The following SCN10A variants were observed in gnomAD, a reference collection of about 807,000 sequenced individuals.
SCN10A encodes the protein sodium voltage-gated channel alpha subunit 10, also known as sodium channel protein type 10 subunit alpha.
Under a neutral mutation model 170.7 loss-of-function variants are expected in SCN10A, and 162 were observed. That is an observed-to-expected ratio of 0.95 (90% CI 0.84 to 1.08). The LOEUF (loss-of-function observed/expected upper bound fraction) is 1.08, where lower values mean the gene tolerates loss of function less well. Ranked by LOEUF, SCN10A falls within the 50% of genes least tolerant of loss-of-function variation. The pLI is 0.00. For synonymous variants in SCN10A, 985 were observed against 904.6 expected, an observed-to-expected ratio of 1.09 and a Z score of -1.59; for missense variants, 2,527 against 2,436.9, an observed-to-expected ratio of 1.04 and a Z score of -0.78.
chr3:38,768,433 G>A (rs1345383919), intron 5 of SCN10A, among the ~76,000 whole-genome samples: 3 of 151,974 alleles, frequency 2.0e-5, no homozygotes, highest in Non-Finnish European at 4.4e-5. Flanking sequence ...GTGCTGGCTT[G>A]GTAGTGGAAA....
chr3:38,732,712 G>A (rs1197504228), intron 15 of SCN10A, among the ~76,000 whole-genome samples: 2 of 152,166 alleles, frequency 1.3e-5, no homozygotes, highest in Non-Finnish European at 2.9e-5. Flanking sequence ...GGCAGAGCAC[G>A]AGCCTCATGA....
chr3:38,779,309 TG>T, intron 4 of SCN10A, among the ~76,000 whole-genome samples: 1 of 152,192 alleles, frequency 6.6e-6, no homozygotes, highest in Admixed American at 6.5e-5. Flanking sequence ...GGGATTTTTT[TG>T]GGGATGTCAT....
At chr3:38,718,039 G>A (rs778995848) in intron 21 of SCN10A, among the ~76,000 whole-genome samples, 3 of 152,130 alleles carry the variant, frequency 2.0e-5, no homozygotes, top group Non-Finnish European at 2.9e-5. Context: ...CTCCAAATGC[G>A]CCCTCTGTTC....
rs747114420 is a variant in SCN10A at position 38,739,634 on chromosome 3, G to T, written c.2161C>A (p.Pro721Thr). 28 of 1,613,870 alleles carry T rather than the reference G, an allele frequency of 1.7e-5. No individual in the cohort carries two copies. The South Asian group carries it at 3.0e-4, about 17-fold the overall frequency. ...EMVFKIIAFD[P>T]YYYFQKKWNI... ...CACTTCTTCTGGAAATAATAGTATGGGTCGAAGGCAATGATTTTGAAGACC... is the reference window on the plus strand; with the variant it reads ...CACTTCTTCTGGAAATAATAGTATGTGTCGAAGGCAATGATTTTGAAGACC... The change falls in exon 15 of 28, where the codon CCA (proline) becomes ACA (threonine). Residue 721 changes from proline (P) to threonine (T), a missense_variant. Coordinates refer to ENST00000449082, the MANE Select transcript of SCN10A (RefSeq NM_006514.4).
chr3:38,772,736 C>T (rs6767287), intron 4 of SCN10A, among the ~76,000 whole-genome samples: 5 of 89,392 alleles, frequency 5.6e-5, no homozygotes, highest in African/African-American at 2.0e-4. Context: ...AAAACAAAAA[C>T]AAAAAAAAAA....
intron 2 of SCN10A, among the ~76,000 whole-genome samples, chr3:38,793,340 T>C (rs183580604): frequency 2.6e-4 from 39 of 152,248 alleles, no homozygotes; most frequent in Admixed American, 2.3e-3. Flanking sequence ...AAGATCATAG[T>C]TGAGGACCAC....
chr3:38,772,221 G>A (rs908668545), intron 4 of SCN10A, among the ~76,000 whole-genome samples: 3 of 151,584 alleles, frequency 2.0e-5, no homozygotes, highest in East Asian at 1.9e-4. Context: ...CTGGTTTAGA[G>A]CCCATGAAGA....
Position 38,698,149 on chromosome 3 carries a change from C to G in SCN10A, c.5071G>C (p.Asp1691His), listed in dbSNP as rs774106005. ...NLPNSNGTRGDCGSPAVGIIF... is the reference protein window; with the variant it reads ...NLPNSNGTRGHCGSPAVGIIF... The stretch of plus-strand genomic sequence containing the variant: ...ATGCCTACGGCTGGGCTCCCACAGT[C>G]CCCTCTGGTGCCATTGCTGTTGGGC... Residue 1691 changes from aspartate (D) to histidine (H), a missense_variant, in exon 28 of 28, where the codon GAC becomes CAC. Transcript: ENST00000449082. 6.2e-7 allele frequency: 1 copy of G among 1,614,136 alleles called. No individual in the cohort carries two copies. Among genetic ancestry groups the G allele is most frequent in the African/African-American group, 1.3e-5 (1 of 75,016 alleles).
At position 38,756,738 on chromosome 3, in the gene SCN10A, T is replaced by C; in HGVS notation, c.1226A>G (p.Asp409Gly). 1 of 1,614,186 alleles carries C rather than the reference T, an allele frequency of 6.2e-7. No homozygotes were observed. Residue 409 changes from aspartate (D) to glycine (G), a missense_variant, in exon 10 of 28, where the codon GAT becomes GGT. Transcript: ENST00000449082. ...CTTCTTCTCCTTTGCTTCAATTTCA[T>C]CAGTGGTTGCCTGGTTCTGCTCCTC... The part of the protein sequence containing the change: ...AYEEQNQATT[D>G]EIEAKEKKFQ...
At chr3:38,769,494 G>A (rs772342034) in intron 5 of SCN10A, among the ~76,000 whole-genome samples, 7 of 152,034 alleles carry the variant, frequency 4.6e-5, no homozygotes, top group South Asian at 2.1e-4. Context: ...GCCCACCTTG[G>A]CCTCCCAAAG....
chr3:38,721,647 A>G (rs1056069830), intron 20 of SCN10A, among the ~76,000 whole-genome samples: 3 of 152,242 alleles, frequency 2.0e-5, no homozygotes, highest in African/African-American at 4.8e-5. Context: ...CAGTGCAAGC[A>G]TCACCTGGGA....
At position 38,767,573 on chromosome 3, in the gene SCN10A, C is replaced by T. The variant is rs555921135; in HGVS notation, c.599+3706G>A. ...TGAGGGTTTCTTTTGGAGTTAACTC[C>T]GAGGTTTATTCGACTGTGCTCTGAG... On this transcript the variant is annotated intron_variant, in intron 5 of 27. Coordinates refer to ENST00000449082, the MANE Select transcript of SCN10A (RefSeq NM_006514.4). Among the ~76,000 whole-genome samples, 302 of 151,942 alleles carry T rather than the reference C, an allele frequency of 2.0e-3. 2 individuals carry two copies. The highest frequency in any genetic ancestry group is 6.8e-3 in the African/African-American group (281 of 41,478).
At chr3:38,806,452 C>T (rs1026616933) in intron 1 of SCN10A, among the ~76,000 whole-genome samples, 2 of 152,022 alleles carry the variant, frequency 1.3e-5, no homozygotes, top group African/African-American at 4.8e-5. Flanking sequence ...CTACAGAAAC[C>T]TTGAGTTATA....
In SCN10A at chr3:38,702,099, T is replaced by G; in HGVS notation, c.4397A>C (p.Gln1466Pro). Reference protein sequence around the residue: ...KPIPRPLNKFQGFVFDIVTRQ... With the variant: ...KPIPRPLNKFPGFVFDIVTRQ... Reference sequence around the variant, plus strand: ...GGTCACGATGTCAAAGACAAAACCCTGGAACTTGTTCTGAGAAAACAAGAG... The same window carrying G: ...GGTCACGATGTCAAAGACAAAACCCGGGAACTTGTTCTGAGAAAACAAGAG... Residue 1466 changes from glutamine to proline, a missense_variant, in exon 27 of 28, where the codon CAG (glutamine) becomes CCG (proline). Gln to Pro is a moderately conservative substitution (Grantham distance 76, BLOSUM62 -1). Transcript: ENST00000449082. 6.4e-7 allele frequency: 1 copy of G among 1,550,716 alleles called. No homozygotes were observed. Among genetic ancestry groups the G allele is most frequent in the Non-Finnish European group, 8.7e-7 (1 of 1,150,332 alleles).
intron 10 of SCN10A, 97 bp downstream of exon 10, chr3:38,756,577 C>A: frequency 1.1e-6 from 1 of 950,068 alleles, no homozygotes; most frequent in Non-Finnish European, 1.7e-6. Context: ...TCCTATAGCT[C>A]CCTAAACGGT....
At chr3:38,810,217 G>A (rs923300354) in intron 1 of SCN10A, among the ~76,000 whole-genome samples, 3 of 152,112 alleles carry the variant, frequency 2.0e-5, no homozygotes, top group African/African-American at 7.2e-5. Context: ...AGTTTCTAAA[G>A]AAAAAATACG....
intron 24 of SCN10A, 89 bp from the exon 25 acceptor site, chr3:38,709,704 T>C: frequency 8.2e-7 from 1 of 1,213,186 alleles, no homozygotes; most frequent in East Asian, 2.7e-5. Flanking sequence ...TGGACCTGGG[T>C]GCAGGTGATT....
intron 24 of SCN10A, among the ~76,000 whole-genome samples, chr3:38,710,182 T>C (rs1490127175): frequency 1.3e-5 from 2 of 152,032 alleles, no homozygotes; most frequent in Non-Finnish European, 2.9e-5. Context: ...TTTTTTGAGA[T>C]TGAGTCTCGC....
chr3:38,805,192 G>A, intron 1 of SCN10A, among the ~76,000 whole-genome samples: 1 of 152,096 alleles, frequency 6.6e-6, no homozygotes. Context: ...GCAGAATAAG[G>A]AGCATATTGT....
Sources: allele counts gnomAD v4.1 joint callset (sites outside exome capture counted in the v4.1 genomes callset), GRCh38; gene constraint gnomAD v4.1.1; transcripts MANE v1.5; gene names NCBI Gene and HGNC (gene_info 2026-07-23, HGNC 2026-07-21).